Variants in IARS1 observed in about 807,000 individuals in gnomAD.
IARS1 encodes isoleucine--tRNA ligase, cytoplasmic.
IARS1 carries 124 observed loss-of-function variants against 168.2 expected under a neutral mutation model. The ratio of observed to expected loss-of-function variants is 0.74; its 90% CI spans 0.64 to 0.86. The LOEUF is 0.86. IARS1 is among the 40% of genes least tolerant of loss of function. The pLI is 0.00. For missense variants in IARS1, 1,452 were observed against 1,515.8 expected (o/e 0.96, Z 0.70); for synonymous variants, 532 against 529.4 (o/e 1.00, Z -0.07).
In IARS1 at chr9:92,256,820, G is replaced by C. The variant is rs371881084; in HGVS notation, c.2017-20C>G. On this transcript the variant is annotated intron_variant, in intron 19 of 33. Transcript: ENST00000443024. ...TTCCTCCTAGGAAGGAACAATTAAT[G>C]AAACACTGGCACACTTGGGAAGAAA... The C allele has an allele frequency of 5.0e-6, 8 of 1,599,560 alleles. No homozygotes were observed. The African/African-American group carries it at 6.7e-5, about 13-fold the overall frequency.
In IARS1 at chr9:92,286,440, A is replaced by C. The variant is rs1398732070; in HGVS notation, c.479+96T>G. 3 of 649,768 alleles carry C rather than the reference A, an allele frequency of 4.6e-6. No homozygotes were observed. The East Asian group carries it at 8.2e-5, about 18-fold the overall frequency. 40.3% of individuals were successfully genotyped at this position (649,768 alleles called of 1,614,324 possible). A position where few individuals can be genotyped will look rare whatever the true frequency, so the allele number is the denominator to read the frequency against. ...AAGATTTTCAGAGAAATAACGATGG[A>C]CTCAAAAATAAACTGATTCATGCTA... On this transcript the variant is annotated intron_variant, in intron 5 of 33. Coordinates refer to ENST00000443024, the MANE Select transcript of IARS1 (RefSeq NM_002161.6).
chr9:92,230,917 C>G (rs1194525102), intron 30 of IARS1, among the ~76,000 whole-genome samples: 1 of 152,198 alleles, frequency 6.6e-6, no homozygotes, highest in African/African-American at 2.4e-5. Flanking sequence ...GTTCATATCT[C>G]TACCCCATTT....
intron 9 of IARS1, among the ~76,000 whole-genome samples, chr9:92,274,896 T>C (rs913225324): frequency 6.6e-6 from 1 of 151,782 alleles, no homozygotes; most frequent in Admixed American, 6.6e-5. Context: ...TTTCAATCAC[T>C]GCATATGTTT....
intron 6 of IARS1, among the ~76,000 whole-genome samples, chr9:92,281,214 GC>G (rs1169920799): frequency 9.0e-4 from 135 of 150,468 alleles, no homozygotes; most frequent in Non-Finnish European, 1.5e-3. Context: ...GCTCACTGCA[GC>G]CCCTGCCTCC....
At chr9:92,263,678 T>G (rs1233199538) in intron 16 of IARS1, among the ~76,000 whole-genome samples, 1 of 152,036 alleles carries the variant, frequency 6.6e-6, no homozygotes, top group Non-Finnish European at 1.5e-5. Flanking sequence ...GATCCAGATA[T>G]CCCTCCCACT....
intron 3 of IARS1, 98 bp from the exon 4 acceptor site, chr9:92,288,008 T>C (rs1227632261): frequency 1.0e-5 from 16 of 1,542,992 alleles, no homozygotes; most frequent in African/African-American, 2.8e-5. Flanking sequence ...ACAAATATTA[T>C]AGAAATGAAC....
intron 19 of IARS1, among the ~76,000 whole-genome samples, chr9:92,258,296 A>G (rs1831013660): frequency 1.3e-5 from 2 of 152,352 alleles, no homozygotes; most frequent in Middle Eastern, 3.4e-3. Flanking sequence ...CCTGGTACCA[A>G]GAACTGGCTG....
intron 6 of IARS1, among the ~76,000 whole-genome samples, chr9:92,283,012 G>A (rs1056561378): frequency 1.3e-5 from 2 of 151,808 alleles, no homozygotes; most frequent in South Asian, 2.1e-4. Flanking sequence ...ACGCCACCAC[G>A]CCCAGCTAAT....
chr9:92,236,667 G>A (rs1313279336), intron 30 of IARS1, among the ~76,000 whole-genome samples: 2 of 152,126 alleles, frequency 1.3e-5, no homozygotes. Context: ...GGCCAACAGG[G>A]TGAAACCCCG....
At chr9:92,236,816 T>C (rs767767567) in intron 30 of IARS1, among the ~76,000 whole-genome samples, 4 of 152,242 alleles carry the variant, frequency 2.6e-5, no homozygotes, top group Non-Finnish European at 4.4e-5. Flanking sequence ...ATCACTGCAC[T>C]GTCCAGCCTG....
At chr9:92,283,069 G>A (rs183696272) in intron 6 of IARS1, among the ~76,000 whole-genome samples, 1 of 151,882 alleles carries the variant, frequency 6.6e-6, no homozygotes, top group African/African-American at 2.4e-5. Flanking sequence ...TGCCCAGGTC[G>A]GCCTCCAAAA....
chr9:92,229,079 G>C lies in IARS1; in HGVS notation c.3331C>G (p.Leu1111Val). 2.5e-6 allele frequency: 4 copies of C among 1,613,860 alleles called. No individual in the cohort carries two copies. The highest frequency in any genetic ancestry group is 3.4e-6 in the Non-Finnish European group (4 of 1,179,962). ...GTGACAACACTCTTCAGCTTTAAAA[G>C]GTCCAACCTATTGTCACCTTTTGGA... Reference protein sequence around the residue: ...ENPKGDNRLDLLKLKSVVTSI... With the variant: ...ENPKGDNRLDVLKLKSVVTSI... The change falls in exon 31 of 34, where the codon CTT (leucine) becomes GTT (valine). Residue 1111 changes from leucine to valine, a missense_variant. Leu to Val is a conservative substitution (Grantham distance 32). Transcript: ENST00000443024.
rs200476416 is a variant in IARS1, at chr9:92,242,185, G to A, written c.3146C>T (p.Ser1049Leu). 44 of 1,613,888 alleles carry A rather than the reference G, an allele frequency of 2.7e-5. No individual in the cohort carries two copies. Among genetic ancestry groups the A allele is most frequent in the South Asian group, 1.4e-4 (13 of 91,074 alleles). The change falls in exon 29 of 34, where the codon TCG becomes TTG. Residue 1049 changes from serine to leucine, a missense_variant. Transcript: ENST00000443024. ...APLKPYPVSP[S>L]DKVLIQEKTQ... ...TTTTTCTTGAATAAGGACTTTATCCGATGGAGAAACTGGATATGGTTTCAA... is the reference window on the plus strand; with the variant it reads ...TTTTTCTTGAATAAGGACTTTATCCAATGGAGAAACTGGATATGGTTTCAA...
In IARS1 at chr9:92,282,306, TTTTC is replaced by T. The variant is rs772841683; in HGVS notation, c.598-1417_598-1414del. On this transcript the variant is annotated intron_variant, in intron 6 of 33. Transcript: ENST00000443024. ...AACTACATCAAAATTAATTTTTTTCTTTTCTTTTTTTTTTGAGATGGAATCTCAC... is the reference window on the plus strand; with the variant it reads ...AACTACATCAAAATTAATTTTTTTCTTTTTTTTTTTGAGATGGAATCTCAC... 2.1e-3 allele frequency among the ~76,000 whole-genome samples: 314 copies of T among 152,068 alleles called. 3 individuals are homozygous for T. The highest frequency in any genetic ancestry group is 4.7e-3 in the Admixed American group (71 of 15,254).
chr9:92,217,652 G>T (rs1838949395), intron 33 of IARS1, among the ~76,000 whole-genome samples: 2 of 151,646 alleles, frequency 1.3e-5, no homozygotes, highest in African/African-American at 2.4e-5. Context: ...ACACCTCTAC[G>T]CAAATAAACT....
intron 26 of IARS1, among the ~76,000 whole-genome samples, chr9:92,246,021 C>T (rs1418664488): frequency 6.6e-6 from 1 of 152,110 alleles, no homozygotes; most frequent in Non-Finnish European, 1.5e-5. Flanking sequence ...CGTGATCTGC[C>T]CGCCTCGGCC....
chr9:92,289,041 T>G (rs1835897248), intron 2 of IARS1, among the ~76,000 whole-genome samples: 1 of 151,834 alleles, frequency 6.6e-6, no homozygotes, highest in Admixed American at 6.6e-5. Context: ...AAACCCCGTC[T>G]CTACTAAAAC....
chr9:92,250,632 GA>G (rs537938216), intron 23 of IARS1, 80 bp downstream of exon 23: 560 of 1,424,046 alleles, frequency 3.9e-4, no homozygotes, highest in Non-Finnish European at 5.0e-4. Context: ...CTGGAGCAGG[GA>G]AATCCCTCCT....
intron 1 of IARS1, among the ~76,000 whole-genome samples, chr9:92,291,613 C>A (rs1836349589): frequency 6.6e-6 from 1 of 152,200 alleles, no homozygotes; most frequent in Non-Finnish European, 1.5e-5. Flanking sequence ...AGATCTTCAA[C>A]TCTTATTATA....
Sources: gnomAD v4.1 joint callset for allele counts (sites outside exome capture counted in the v4.1 genomes callset) on GRCh38, gnomAD v4.1.1 for gene constraint, MANE v1.5 for transcripts, NCBI Gene and HGNC (gene_info 2026-07-23, HGNC 2026-07-21) for gene names.